RAB5A: variants seen among roughly 807,000 people sequenced by gnomAD.
RAB5A encodes the protein RAB5A, member RAS oncogene family.
RAB5A carries 8 observed loss-of-function variants against 25.7 expected under a neutral mutation model. The ratio of observed to expected loss-of-function variants is 0.31; its 90% CI spans 0.18 to 0.56. The LOEUF (loss-of-function observed/expected upper bound fraction) is 0.56. RAB5A is among the 20% of genes least tolerant of loss of function. RAB5A has a pLI of 0.91. For missense variants in RAB5A, 192 were observed against 259.7 expected, an observed-to-expected ratio of 0.74 and a Z score of 1.79; for synonymous variants, 98 against 89.8, an observed-to-expected ratio of 1.09 and a Z score of -0.52.
chr3:19,975,863 G>A, intron 3 of RAB5A, 111 bp downstream of exon 3: 1 of 1,347,072 alleles, frequency 7.4e-7, no homozygotes, highest in South Asian at 1.5e-5. Context: ...TGACCTTTCT[G>A]CTGAAGCTTT....
chr3:19,966,420 C>T (rs1696663303), intron 2 of RAB5A, among the ~76,000 whole-genome samples: 1 of 152,132 alleles, frequency 6.6e-6, no homozygotes, highest in Non-Finnish European at 1.5e-5. Context: ...TATGTATATA[C>T]TTCATCTTGC....
At chr3:19,976,210 CTGTATGTTTTTCT>C in intron 4 of RAB5A, 41 bp downstream of exon 4, 1 of 1,578,374 alleles carries the variant, frequency 6.3e-7, no homozygotes, top group Non-Finnish European at 8.6e-7. Context: ...CACTTTTTTC[CTGTATGTTTTTCT>C]TTCATGTCAA....
intron 2 of RAB5A, among the ~76,000 whole-genome samples, chr3:19,958,911 C>A (rs543882753): frequency 6.6e-6 from 1 of 152,100 alleles, no homozygotes; most frequent in Non-Finnish European, 1.5e-5. Context: ...TGCACTTCAA[C>A]CTGGGTGACA....
chr3:19,981,288 A>C (rs1696921957), intron 5 of RAB5A, among the ~76,000 whole-genome samples: 1 of 152,322 alleles, frequency 6.6e-6, no homozygotes, highest in Admixed American at 6.5e-5. Flanking sequence ...ACGGGATTAC[A>C]TACAGAAACC....
chr3:19,965,814 A>T (rs1393015429), intron 2 of RAB5A, among the ~76,000 whole-genome samples: 1 of 151,826 alleles, frequency 6.6e-6, no homozygotes, highest in African/African-American at 2.4e-5. Context: ...GGCTCAGGTG[A>T]TCCTCCTGCC....
At chr3:19,971,211 A>C (rs940107823) in intron 2 of RAB5A, among the ~76,000 whole-genome samples, 11 of 146,960 alleles carry the variant, frequency 7.5e-5, no homozygotes, top group African/African-American at 2.2e-4. Context: ...AAAAAAAAAA[A>C]AAAACACTAT....
chr3:19,951,195 T>C, intron 2 of RAB5A, 134 bp downstream of exon 2: 1 of 1,011,382 alleles, frequency 9.9e-7, no homozygotes, highest in East Asian at 2.5e-5. Context: ...CAGCTTACCT[T>C]AGCTTTAAAA....
chr3:19,966,832 TCTCA>T (rs750586279), intron 2 of RAB5A, among the ~76,000 whole-genome samples: 3 of 152,188 alleles, frequency 2.0e-5, no homozygotes, highest in Non-Finnish European at 4.4e-5. Context: ...TGAAATAGGG[TCTCA>T]CTCTGTCACC....
chr3:19,965,419 T>TAA (rs35939974), intron 2 of RAB5A, among the ~76,000 whole-genome samples: 9 of 141,758 alleles, frequency 6.3e-5, no homozygotes, highest in South Asian at 2.3e-4. Context: ...GACCCTGTCT[T>TAA]AAAAAAAAAA....
chr3:19,956,945 C>T lies in RAB5A; in HGVS notation c.163+5884C>T, dbSNP rs377410458. ...ATTTGAAAAATTTTGTGTTTTTTTT[C>T]CTTTTTTTTTTTTTTTTTAAACAGC... On this transcript the variant is annotated intron_variant, in intron 2 of 5. Coordinates refer to ENST00000273047, the MANE Select transcript of RAB5A (RefSeq NM_004162.5). 7.6e-3 allele frequency among the ~76,000 whole-genome samples: 960 copies of T among 126,032 alleles called. 8 individuals are homozygous for T. The highest frequency in any genetic ancestry group is 0.013 in the Non-Finnish European group (736 of 57,124). 82.7% of individuals were successfully genotyped at this position (126,032 alleles called of 152,430 possible). A position where few individuals can be genotyped will look rare whatever the true frequency, so the allele number is the denominator to read the frequency against.
At chr3:19,971,730 C>T (rs1696755452) in intron 2 of RAB5A, among the ~76,000 whole-genome samples, 1 of 152,140 alleles carries the variant, frequency 6.6e-6, no homozygotes, top group African/African-American at 2.4e-5. Context: ...CTGCCTCGGC[C>T]TCCCAAAGTG....
chr3:19,955,422 C>G (rs2125179954), intron 2 of RAB5A, among the ~76,000 whole-genome samples: 1 of 152,246 alleles, frequency 6.6e-6, no homozygotes, highest in East Asian at 1.9e-4. Flanking sequence ...ATGTAGAATC[C>G]CGTGTTGAAT....
intron 5 of RAB5A, among the ~76,000 whole-genome samples, chr3:19,979,785 A>G (rs538520561): frequency 7.2e-5 from 11 of 152,108 alleles, no homozygotes; most frequent in African/African-American, 2.7e-4. Flanking sequence ...GTGGTTCTCA[A>G]AGTTTGCCGT....
intron 2 of RAB5A, among the ~76,000 whole-genome samples, chr3:19,953,194 A>T (rs1355416767): frequency 6.6e-6 from 1 of 152,154 alleles, no homozygotes; most frequent in Non-Finnish European, 1.5e-5. Flanking sequence ...TTTCCTAATG[A>T]TAGCTCAAGA....
At chr3:19,969,148 G>T (rs1232533971) in intron 2 of RAB5A, among the ~76,000 whole-genome samples, 1 of 150,164 alleles carries the variant, frequency 6.7e-6, no homozygotes, top group Non-Finnish European at 1.5e-5. Context: ...GGGTTCAAGC[G>T]GTTTTCCTGC....
At chr3:19,982,115 GTA>G in intron 5 of RAB5A, among the ~76,000 whole-genome samples, 1 of 151,804 alleles carries the variant, frequency 6.6e-6, no homozygotes, top group South Asian at 2.1e-4. Flanking sequence ...TGCACACCCT[GTA>G]GTCTCAGCTA....
intron 2 of RAB5A, among the ~76,000 whole-genome samples, chr3:19,957,661 G>A (rs900635756): frequency 4.0e-5 from 6 of 150,786 alleles, no homozygotes; most frequent in Non-Finnish European, 8.9e-5. Flanking sequence ...AGACTCTGTC[G>A]CGGAGGTTGC....
intron 2 of RAB5A, among the ~76,000 whole-genome samples, chr3:19,973,736 T>C (rs1696783760): frequency 6.6e-6 from 1 of 152,206 alleles, no homozygotes; most frequent in African/African-American, 2.4e-5. Context: ...TGAAGATGTT[T>C]ACAGTATTGT....
intron 4 of RAB5A, 146 bp downstream of exon 4, chr3:19,976,315 A>G: frequency 1.1e-6 from 1 of 896,964 alleles, no homozygotes; most frequent in Non-Finnish European, 1.6e-6. Flanking sequence ...TACTACATAT[A>G]ATAAAATGTT....
Sources: gnomAD v4.1 joint callset for allele counts (sites outside exome capture counted in the v4.1 genomes callset) on GRCh38, gnomAD v4.1.1 for gene constraint, MANE v1.5 for transcripts, NCBI Gene and HGNC (gene_info 2026-07-23, HGNC 2026-07-21) for gene names.